The following DAXX variants were observed in gnomAD, a reference collection of about 807,000 sequenced individuals.
DAXX encodes the protein death domain-associated protein 6.
In DAXX, 24 loss-of-function variants were observed where a neutral mutation model predicts 61.9. That is an observed-to-expected ratio of 0.39 (90% CI 0.28 to 0.55). The LOEUF is 0.55. Among genes scored for constraint, DAXX ranks in the 20% least tolerant of loss-of-function variants. DAXX has a pLI of 0.69. For synonymous variants in DAXX, 357 were observed against 369.5 expected (o/e 0.97, Z 0.39); for missense variants, 819 against 935.3 (o/e 0.88, Z 1.62).
chr6:33,321,561 C>T lies in DAXX; in HGVS notation c.214G>A (p.Glu72Lys). 1 of 1,610,080 alleles carries T rather than the reference C, an allele frequency of 6.2e-7. No individual in the cohort carries two copies. The highest frequency in any genetic ancestry group is 8.5e-7 in the Non-Finnish European group (1 of 1,178,666). The change falls in exon 3 of 8, where the codon GAA (glutamate) becomes AAA (lysine). Residue 72 changes from glutamate to lysine, a missense_variant. Glu to Lys is a moderately conservative substitution (Grantham distance 56). Transcript: ENST00000374542. The surrounding 1 kb of genome is among the most constrained non-coding windows in gnomAD (Gnocchi z 7.2). ...TCTGCTGTCTGCATCTTACAAAGTT[C>T]AAGGAACTAGAAGGTTCAGGGGAAG... ...ENEKLFEEFL[E>K]LCKMQTADHP...
Position 33,319,665 on chromosome 6 carries a change from G to C in DAXX, c.1655C>G (p.Pro552Arg), listed in dbSNP as rs1266149948. The change falls in exon 6 of 8, where the codon CCT becomes CGT. Residue 552 changes from proline (P) to arginine (R), a missense_variant. Physicochemically the swap from Pro to Arg is moderately radical, Grantham distance 103. Transcript: ENST00000374542. ...TTCTTCCTCCAGGGTCAGCTCCTCA[G>C]GCTGTTCTCCATTGCTTTCAGCATC... ...SIDAESNGEQ[P>R]EELTLEEESP... 2 of 1,613,888 alleles carry C rather than the reference G, an allele frequency of 1.2e-6. No homozygotes were observed. The highest frequency in any genetic ancestry group is 1.7e-6 in the Non-Finnish European group (2 of 1,179,964).
Position 33,322,873 on chromosome 6 carries a change from T to A in DAXX, c.-64A>T. On this transcript the variant is annotated 5_prime_UTR_variant, in exon 1 of 8. Coordinates refer to ENST00000374542, the MANE Select transcript of DAXX (RefSeq NM_001141969.2). ...CGTCCGGCCCCCACCTCAGAAACCG[T>A]CTCTCGAGGCGACCCTCGCCGCAAT... The A allele has an allele frequency of 7.3e-7, 1 of 1,369,096 alleles. No individual in the cohort carries two copies. The highest frequency in any genetic ancestry group is 9.8e-7 in the Non-Finnish European group (1 of 1,015,810). 84.8% of individuals were successfully genotyped at this position (1,369,096 alleles called of 1,614,324 possible). A position where few individuals can be genotyped will look rare whatever the true frequency, so the allele number is the denominator to read the frequency against.
At position 33,319,369 on chromosome 6, in the gene DAXX, CTTG is replaced by C. The variant is rs1006445996; in HGVS notation, c.1940+8_1940+10del. The C allele has an allele frequency of 1.2e-6, 2 of 1,606,208 alleles. No individual in the cohort carries two copies. The highest frequency in any genetic ancestry group is 2.2e-5 in the East Asian group (1 of 44,810). On this transcript the variant is annotated splice_region_variant and intron_variant, in intron 6 of 7. Transcript: ENST00000374542. Reference sequence around the variant, plus strand: ...CCTTGGCTTCCCTCTTCCTCCTCCTCTTGTTATTACCTGTTTCCTAATGGCCCT... The same window carrying C: ...CCTTGGCTTCCCTCTTCCTCCTCCTCTTATTACCTGTTTCCTAATGGCCCT...
In DAXX at chr6:33,320,515, C is replaced by T. The variant is rs2150992632; in HGVS notation, c.1116G>A (p.Leu372=). The change falls in exon 4 of 8, where the codon CTG becomes CTA. Residue 372 remains leucine, a synonymous_variant. Transcript: ENST00000374542. The surrounding 1 kb of genome is among the most constrained non-coding windows in gnomAD (Gnocchi z 7.1). ...RENRSLAMSR[L]DEVISKYAML... ...TTGCATATTTGGAGATGACCTCATC[C>T]AGCCGACTCATGGCCAAACTCCGGT... The T allele has an allele frequency of 6.2e-7, 1 of 1,613,990 alleles. No individual in the cohort carries two copies. Among genetic ancestry groups the T allele is most frequent in the South Asian group, 1.1e-5 (1 of 91,090 alleles).
intron 6 of DAXX, 42 bp from the exon 7 acceptor site, chr6:33,319,261 CTG>C (rs1770215781): frequency 6.4e-7 from 1 of 1,568,674 alleles, no homozygotes; most frequent in South Asian, 1.2e-5. Context: ...TACGGGAAGA[CTG>C]AGGCTGGAGG....
rs1411591702 is a variant in DAXX at position 33,321,428 on chromosome 6, G to A, written c.347C>T (p.Ala116Val). 2 of 1,613,978 alleles carry A rather than the reference G, an allele frequency of 1.2e-6. No individual in the cohort carries two copies. Among genetic ancestry groups the A allele is most frequent in the Non-Finnish European group, 1.7e-6 (2 of 1,179,848 alleles). Residue 116 changes from alanine to valine, a missense_variant, in exon 3 of 8, where the codon GCC becomes GTC. Coordinates refer to ENST00000374542, the MANE Select transcript of DAXX (RefSeq NM_001141969.2). The surrounding 1 kb of genome is among the most constrained non-coding windows in gnomAD (Gnocchi z 7.2). Reference protein sequence around the residue: ...CNILSRVLSRARSRPAKLYVY... With the variant: ...CNILSRVLSRVRSRPAKLYVY... The stretch of plus-strand genomic sequence containing the variant: ...ATAGAGCTTGGCTGGCCGGCTCCGG[G>A]CCCGAGACAGGACCCTAGAGAGGAT...
chr6:33,319,046 C>G lies in DAXX; in HGVS notation c.2114G>C (p.Arg705Pro). Residue 705 changes from arginine to proline, a missense_variant, in exon 7 of 8, where the codon CGG becomes CCG. Arg to Pro is a moderately radical substitution (Grantham distance 103). Coordinates refer to ENST00000374542, the MANE Select transcript of DAXX (RefSeq NM_001141969.2). ...TSSLCIPSPA[R>P]LSQTPHSQPP... ...CTGTGAATGGGGGGTTTGGGACAGC[C>G]GGGCTGGAGAAGGGATGCAGAGGGA... The G allele has an allele frequency of 6.2e-7, 1 of 1,613,838 alleles. No individual in the cohort carries two copies. Among genetic ancestry groups the G allele is most frequent in the African/African-American group, 1.3e-5 (1 of 75,046 alleles).
chr6:33,322,785 A>C, intron 1 of DAXX, 77 bp downstream of exon 1: 4 of 624,812 alleles, frequency 6.4e-6, no homozygotes, highest in Non-Finnish European at 1.1e-5. Flanking sequence ...CCTCAGACTC[A>C]GCGCCCAGCT....
At position 33,320,663 on chromosome 6, in the gene DAXX, A is replaced by C; in HGVS notation, c.1040-72T>G. On this transcript the variant is annotated intron_variant, in intron 3 of 7. Transcript: ENST00000374542. This position sits in a 1 kb window ranked among gnomAD's most constrained non-coding sequence, Gnocchi z 7.1. ...TAGAAGAGTAAAAACCCTAGAAAGG[A>C]CTAGAGAGATGCCCCATCCGCCTCA... 1.2e-6 allele frequency: 2 copies of C among 1,604,072 alleles called. No homozygotes were observed. Among genetic ancestry groups the C allele is most frequent in the Non-Finnish European group, 1.7e-6 (2 of 1,174,052 alleles).
Position 33,319,231 on chromosome 6 carries a change from A to G in DAXX, c.1941-12T>C. ...GCCTTTCCACATAGCTAGAAACAGAAACATAAATATGTGGAGGGGTACGGG... is the reference window on the plus strand; with the variant it reads ...GCCTTTCCACATAGCTAGAAACAGAGACATAAATATGTGGAGGGGTACGGG... On this transcript the variant is annotated splice_polypyrimidine_tract_variant and intron_variant, in intron 6 of 7. Coordinates refer to ENST00000374542, the MANE Select transcript of DAXX (RefSeq NM_001141969.2). 6.3e-7 allele frequency: 1 copy of G among 1,587,424 alleles called. No homozygotes were observed. The highest frequency in any genetic ancestry group is 8.6e-7 in the Non-Finnish European group (1 of 1,163,512).
rs928443046 is a variant in DAXX, at chr6:33,320,575, T to C, written c.1056A>G (p.Leu352=). 8.1e-6 allele frequency: 13 copies of C among 1,613,686 alleles called. No homozygotes were observed. Among genetic ancestry groups the C allele is most frequent in the Non-Finnish European group, 1.0e-5 (12 of 1,179,976 alleles). ...GGCGCCGGGCCAACACAGGATCTGA[T>C]AGTGCAGGGTCAACGCCTACGTGGG... is the stretch of plus-strand genomic sequence containing the variant. The part of the protein sequence containing the change: ...DDYRPGVDPA[L]SDPVLARRLR... The change falls in exon 4 of 8, where the codon CTA becomes CTG. Residue 352 remains leucine (L), a synonymous_variant. Coordinates refer to ENST00000374542, the MANE Select transcript of DAXX (RefSeq NM_001141969.2). The surrounding 1 kb of genome is among the most constrained non-coding windows in gnomAD (Gnocchi z 7.1).
Position 33,320,188 on chromosome 6 carries a change from C to T in DAXX, c.1288G>A (p.Ala430Thr). 6.2e-7 allele frequency: 1 copy of T among 1,613,750 alleles called. No homozygotes were observed. The highest frequency in any genetic ancestry group is 8.5e-7 in the Non-Finnish European group (1 of 1,179,688). ...SGMASQGCPSASRAETDDEDD... is the reference protein window; with the variant it reads ...SGMASQGCPSTSRAETDDEDD... ...TCGTCATCTGTCTCAGCTCTGGAGG[C>T]AGAAGGGCACCCCTGGGATGCCATT... Residue 430 changes from alanine to threonine, a missense_variant, in exon 5 of 8, where the codon GCC (alanine) becomes ACC (threonine). Coordinates refer to ENST00000374542, the MANE Select transcript of DAXX (RefSeq NM_001141969.2). The surrounding 1 kb of genome is among the most constrained non-coding windows in gnomAD (Gnocchi z 7.1).
In DAXX at chr6:33,321,869, A is replaced by T; in HGVS notation, c.57T>A (p.Ala19=). The change falls in exon 2 of 8, where the codon GCT becomes GCA. Residue 19 remains alanine (A), a synonymous_variant. Transcript: ENST00000374542. The surrounding 1 kb of genome is among the most constrained non-coding windows in gnomAD (Gnocchi z 7.2). ...VLDDDDEDEA[A]AQPGPSHPLP... ...GTGGGTGGGAGGGCCCTGGCTGAGC[A>T]GCTGCTTCATCTTCGTCATCATCAT... The T allele has an allele frequency of 6.2e-7, 1 of 1,612,662 alleles. No homozygotes were observed. The highest frequency in any genetic ancestry group is 8.5e-7 in the Non-Finnish European group (1 of 1,179,376).
In DAXX at chr6:33,321,400, G is replaced by C. The variant is rs1770594678; in HGVS notation, c.375C>G (p.Val125=). ...GAACAGTGCAGAGCTCATTGATGTA[G>C]ACATAGAGCTTGGCTGGCCGGCTCC... is the stretch of plus-strand genomic sequence containing the variant. ...RARSRPAKLY[V]YINELCTVLK... is the part of the protein sequence containing the mutation. Residue 125 remains valine, a synonymous_variant, in exon 3 of 8, where the codon GTC becomes GTG. Transcript: ENST00000374542. The surrounding 1 kb of genome is among the most constrained non-coding windows in gnomAD (Gnocchi z 7.2). 1 of 1,613,762 alleles carries C rather than the reference G, an allele frequency of 6.2e-7. No individual in the cohort carries two copies. The highest frequency in any genetic ancestry group is 8.5e-7 in the Non-Finnish European group (1 of 1,179,632).
rs746043974 is a variant in DAXX, at chr6:33,321,586, G to A, written c.208-19C>T. 6.2e-7 allele frequency: 1 copy of A among 1,606,204 alleles called. No individual in the cohort carries two copies. The highest frequency in any genetic ancestry group is 8.5e-7 in the Non-Finnish European group (1 of 1,174,166). ...CAAGGAACTAGAAGGTTCAGGGGAA[G>A]AAGGAAGGGGAAGAGAGACAAGGGA... On this transcript the variant is annotated intron_variant, in intron 2 of 7. Coordinates refer to ENST00000374542, the MANE Select transcript of DAXX (RefSeq NM_001141969.2). This position sits in a 1 kb window ranked among gnomAD's most constrained non-coding sequence, Gnocchi z 7.2.
chr6:33,320,911 A>G lies in DAXX; in HGVS notation c.864T>C (p.Asp288=). The G allele has an allele frequency of 6.2e-7, 1 of 1,614,210 alleles. No individual in the cohort carries two copies. The highest frequency in any genetic ancestry group is 8.5e-7 in the Non-Finnish European group (1 of 1,180,036). Residue 288 remains aspartate (D), a synonymous_variant, in exon 3 of 8, where the codon GAT becomes GAC. Transcript: ENST00000374542. This position sits in a 1 kb window ranked among gnomAD's most constrained non-coding sequence, Gnocchi z 7.1. ...CTGCCTTCTCTACAGCCCGAAGCAC[A>G]TCCCCATAGTCAGGGAAGGTATCAG... ...PGPDTFPDYG[D]VLRAVEKAAA...
In DAXX at chr6:33,321,961, G is replaced by C; in HGVS notation, c.-36C>G. The C allele has an allele frequency of 1.3e-6, 2 of 1,585,846 alleles. No individual in the cohort carries two copies. The highest frequency in any genetic ancestry group is 1.7e-6 in the Non-Finnish European group (2 of 1,165,060). ...ATCCCCCGGAGGGAGGAAGTGGTGG[G>C]GATTTCAGAATTCCTGCTGGAAGGG... On this transcript the variant is annotated 5_prime_UTR_variant, in exon 2 of 8. Transcript: ENST00000374542. The surrounding 1 kb of genome is among the most constrained non-coding windows in gnomAD (Gnocchi z 7.2).
intron 1 of DAXX, among the ~76,000 whole-genome samples, chr6:33,322,270 ATTC>A (rs973908737): frequency 6.7e-6 from 1 of 148,364 alleles, no homozygotes; most frequent in Non-Finnish European, 1.5e-5. Flanking sequence ...TGGCAAGTTG[ATTC>A]TTCCTCCCAC....
rs1339495077 is a variant in DAXX, at chr6:33,322,898, T to C, written c.-89A>G. The C allele has an allele frequency of 1.4e-6, 2 of 1,386,470 alleles. No homozygotes were observed. Among genetic ancestry groups the C allele is most frequent in the Non-Finnish European group, 1.9e-6 (2 of 1,033,140 alleles). 85.9% of individuals were successfully genotyped at this position (1,386,470 alleles called of 1,614,324 possible). A position where few individuals can be genotyped will look rare whatever the true frequency, so the allele number is the denominator to read the frequency against. ...TCTCTCGAGGCGACCCTCGCCGCAA[T>C]TCTCAGAACCTCGCATGGTTCCCTC... On this transcript the variant is annotated 5_prime_UTR_variant, in exon 1 of 8. Transcript: ENST00000374542.
Sources: gnomAD v4.1 joint callset for allele counts (sites outside exome capture counted in the v4.1 genomes callset) on GRCh38, gnomAD v4.1.1 for gene constraint, Gnocchi (gnomAD v3.1) non-coding constraint, MANE v1.5 for transcripts, NCBI Gene and HGNC (gene_info 2026-07-23, HGNC 2026-07-21) for gene names.